Variants in FBXL3 observed in about 807,000 individuals in gnomAD.
FBXL3 encodes the protein F-box and leucine rich repeat protein 3.
FBXL3 carries 14 observed loss-of-function variants against 37.9 expected under a neutral mutation model. That is an observed-to-expected ratio of 0.37 (90% CI 0.24 to 0.58). The LOEUF (loss-of-function observed/expected upper bound fraction) is 0.58. Among genes scored for constraint, FBXL3 ranks in the 20% least tolerant of loss-of-function variants. The pLI is 0.74. For missense variants in FBXL3, 327 were observed against 511.1 expected (o/e 0.64, Z 3.47); for synonymous variants, 194 against 180.1 (o/e 1.08, Z -0.62).
chr13:77,026,726 CCCCCCCA>C (rs2034847799), intron 1 of FBXL3, 94 bp downstream of exon 1: 1 of 137,828 alleles, frequency 7.3e-6, no homozygotes, highest in East Asian at 2.5e-4. Context: ...CCCCCGCGCC[CCCCCCCA>C]CCCCACCCCA....
chr13:77,019,795 G>A (rs1423506339), intron 2 of FBXL3, among the ~76,000 whole-genome samples: 1 of 151,894 alleles, frequency 6.6e-6, no homozygotes, highest in African/African-American at 2.4e-5. Context: ...AGAATCCTGT[G>A]ATGTGACTCT....
intron 4 of FBXL3, chr13:77,009,698 T>C (rs1266625824): frequency 1.3e-5 from 2 of 152,174 alleles, no homozygotes; most frequent in African/African-American, 4.8e-5. Context: ...AGTGTGGCAA[T>C]TCCTTAAGGA....
At chr13:77,011,580 G>A (rs941423236) in intron 4 of FBXL3, among the ~76,000 whole-genome samples, 8 of 151,878 alleles carry the variant, frequency 5.3e-5, no homozygotes, top group East Asian at 3.9e-4. Flanking sequence ...AGTATTAGCC[G>A]GGCATAATGG....
chr13:77,016,674 T>C (rs1050521454), intron 3 of FBXL3: 2 of 152,092 alleles, frequency 1.3e-5, no homozygotes, highest in Non-Finnish European at 2.9e-5. Flanking sequence ...GCTAAGACTA[T>C]AGGTGTGAGC....
At position 77,005,599 on chromosome 13, in the gene FBXL3, TCTC is replaced by T. The variant is rs2034437112; in HGVS notation, c.*1543_*1545del. 6.6e-6 allele frequency: 1 copy of T among 152,046 alleles called. No individual in the cohort carries two copies. The highest frequency in any genetic ancestry group is 2.4e-5 in the African/African-American group (1 of 41,266). 9.4% of individuals were successfully genotyped at this position (152,046 alleles called of 1,614,324 possible). The stretch of plus-strand genomic sequence containing the variant: ...TCGAATCTAGATAAGCCTTTTTTCT[TCTC>T]ATATGTTGCTGTAGGAGAGCATATC... On this transcript the variant is annotated 3_prime_UTR_variant, in exon 5 of 5. Coordinates refer to ENST00000355619, the MANE Select transcript of FBXL3 (RefSeq NM_012158.4).
chr13:77,024,006 T>A (rs1179823802), intron 1 of FBXL3, among the ~76,000 whole-genome samples: 2 of 152,282 alleles, frequency 1.3e-5, no homozygotes, highest in Middle Eastern at 3.4e-3. Context: ...GAATAAAATA[T>A]ATTACGTATA....
chr13:77,021,607 T>A lies in FBXL3; in HGVS notation c.254A>T (p.Gln85Leu), dbSNP rs762339853. The A allele has an allele frequency of 1.3e-5, 21 of 1,614,084 alleles. No individual in the cohort carries two copies. The highest frequency in any genetic ancestry group is 1.5e-5 in the Non-Finnish European group (18 of 1,180,028). Reference sequence around the variant, plus strand: ...AGCTTTCAAATAAGATGTAGCTGGCTGATTCAGTTCAAATTCAAAACATCT... The same window carrying A: ...AGCTTTCAAATAAGATGTAGCTGGCAGATTCAGTTCAAATTCAAAACATCT... ...LWRCFEFELNQPATSYLKATH... is the reference protein window; with the variant it reads ...LWRCFEFELNLPATSYLKATH... Residue 85 changes from glutamine (Q) to leucine (L), a missense_variant, in exon 2 of 5, where the codon CAG becomes CTG. Physicochemically the swap from Gln to Leu is moderately radical, Grantham distance 113. Transcript: ENST00000355619.
Position 77,007,109 on chromosome 13 carries a change from T to C in FBXL3, c.*36A>G, listed in dbSNP as rs2154035890. On this transcript the variant is annotated 3_prime_UTR_variant, in exon 5 of 5. Transcript: ENST00000355619. ...AAATAAAACTTTAATTATAATACATTTGCTTGAAATTAAGGTGCTATTCAT... is the reference window on the plus strand; with the variant it reads ...AAATAAAACTTTAATTATAATACATCTGCTTGAAATTAAGGTGCTATTCAT... 1 of 1,540,734 alleles carries C rather than the reference T, an allele frequency of 6.5e-7. No homozygotes were observed. The highest frequency in any genetic ancestry group is 8.7e-7 in the Non-Finnish European group (1 of 1,148,444).
chr13:77,006,785 T>C lies in FBXL3; in HGVS notation c.*360A>G, dbSNP rs2034458748. The C allele has an allele frequency of 4.0e-6, 4 of 997,156 alleles. No individual in the cohort carries two copies. The highest frequency in any genetic ancestry group is 4.8e-6 in the Non-Finnish European group (4 of 831,206). 61.8% of individuals were successfully genotyped at this position (997,156 alleles called of 1,614,324 possible). ...CTAAAATGTCAAGTTTACATTTTTT[T>C]TTAAATGCATAGAGAATATAACATT... On this transcript the variant is annotated 3_prime_UTR_variant, in exon 5 of 5. Coordinates refer to ENST00000355619, the MANE Select transcript of FBXL3 (RefSeq NM_012158.4).
chr13:77,022,273 C>G (rs606861), intron 1 of FBXL3, among the ~76,000 whole-genome samples: 129,565 of 152,162 alleles, frequency 0.85, 55,583 homozygotes, highest in Middle Eastern at 0.9. Context: ...TCTTGAATTC[C>G]AGGCCAACCA....
At chr13:77,015,065 A>C (rs1226412890) in intron 4 of FBXL3, 1 of 158,952 alleles carries the variant, frequency 6.3e-6, no homozygotes, top group Non-Finnish European at 1.4e-5. Context: ...GCTCTGACTC[A>C]AAATCTACCC....
intron 2 of FBXL3, chr13:77,019,286 G>A (rs1159789973): frequency 1.3e-5 from 2 of 152,086 alleles, no homozygotes; most frequent in Non-Finnish European, 2.9e-5. Context: ...AACTAAATAA[G>A]ATGTAGCTAT....
chr13:77,015,901 C>A (rs1221128111), intron 3 of FBXL3: 1 of 167,984 alleles, frequency 6.0e-6, no homozygotes, highest in African/African-American at 2.4e-5. Flanking sequence ...TCAGACACTT[C>A]ATTTTGCCAT....
chr13:77,025,872 T>C (rs2034829319), intron 1 of FBXL3, among the ~76,000 whole-genome samples: 1 of 152,170 alleles, frequency 6.6e-6, no homozygotes, highest in African/African-American at 2.4e-5. Context: ...TCCTTTCTGT[T>C]CTGCTTTTAC....
chr13:77,008,001 C>T (rs557813322), intron 4 of FBXL3, among the ~76,000 whole-genome samples: 17 of 152,156 alleles, frequency 1.1e-4, no homozygotes, highest in African/African-American at 3.6e-4. Context: ...AATTCTAAAT[C>T]CCATCTATTA....
chr13:77,014,918 G>C (rs766478206), intron 4 of FBXL3: 1 of 152,144 alleles, frequency 6.6e-6, no homozygotes, highest in Non-Finnish European at 1.5e-5. Flanking sequence ...CATTTGATGG[G>C]TTCTTGGCTC....
chr13:77,026,072 C>CT (rs926194646), intron 1 of FBXL3: 44 of 624,024 alleles, frequency 7.1e-5, no homozygotes, highest in African/African-American at 1.0e-4. Flanking sequence ...AACTAAGTTA[C>CT]TTTTTTTTCA....
At position 77,007,271 on chromosome 13, in the gene FBXL3, T is replaced by C. The variant is rs1593920940; in HGVS notation, c.1161A>G (p.Leu387=). The change falls in exon 5 of 5, where the codon CTA becomes CTG. Residue 387 remains leucine, a synonymous_variant. Transcript: ENST00000355619. ...CTTCTTCCATAATGGATAATTGAGA[T>C]AGGCGGCCACCACACATCTTCACAA... ...VEFVKMCGGR[L]SQLSIMEEVL... 2 of 1,614,134 alleles carry C rather than the reference T, an allele frequency of 1.2e-6. No individual in the cohort carries two copies. The highest frequency in any genetic ancestry group is 1.7e-6 in the Non-Finnish European group (2 of 1,180,028).
At chr13:77,025,729 T>A (rs1010258219) in intron 1 of FBXL3, among the ~76,000 whole-genome samples, 3 of 145,032 alleles carry the variant, frequency 2.1e-5, no homozygotes, top group African/African-American at 7.4e-5. Context: ...AAGAAGCAAC[T>A]TCATTAGGTG....
Sources: allele counts gnomAD v4.1 joint callset (sites outside exome capture counted in the v4.1 genomes callset), GRCh38; gene constraint gnomAD v4.1.1; transcripts MANE v1.5; gene names NCBI Gene and HGNC (gene_info 2026-07-23, HGNC 2026-07-21).